Variants in ST6GALNAC3 observed in about 807,000 individuals in gnomAD.
The protein encoded by ST6GALNAC3 is ST6 N-acetylgalactosaminide alpha-2,6-sialyltransferase 3.
Under a neutral mutation model 32.7 loss-of-function variants are expected in ST6GALNAC3, and 25 were observed. The observed-to-expected ratio is 0.76, with a 90% CI of 0.56 to 1.07. The LOEUF is 1.07. Among genes scored for constraint, ST6GALNAC3 ranks in the 50% least tolerant of loss-of-function variants. The probability of loss-of-function intolerance (pLI) is 0.00; values close to 1 mark genes in which losing one functional copy is unlikely to be tolerated. For missense variants in ST6GALNAC3, 355 were observed against 382.4 expected (o/e 0.93, Z 0.60); for synonymous variants, 129 against 133.1 (o/e 0.97, Z 0.21).
intron 1 of ST6GALNAC3, among the ~76,000 whole-genome samples, chr1:76,172,505 A>G (rs972075373): frequency 2.0e-5 from 3 of 152,202 alleles, no homozygotes; most frequent in African/African-American, 7.2e-5. Context: ...AGGCAAGAGA[A>G]AGAAATAAAG....
At chr1:76,387,755 A>T (rs1270050519) in intron 2 of ST6GALNAC3, among the ~76,000 whole-genome samples, 1 of 152,184 alleles carries the variant, frequency 6.6e-6, no homozygotes, top group Non-Finnish European at 1.5e-5. Context: ...GTCATAGGAT[A>T]TTCTTAAAAT....
At chr1:76,339,969 T>C (rs1647822887) in intron 2 of ST6GALNAC3, among the ~76,000 whole-genome samples, 1 of 152,176 alleles carries the variant, frequency 6.6e-6, no homozygotes, top group Non-Finnish European at 1.5e-5. Context: ...AGGAAGAATA[T>C]TTTTAATAGA....
intron 3 of ST6GALNAC3, among the ~76,000 whole-genome samples, chr1:76,544,376 G>T (rs1023048706): frequency 1.9e-4 from 29 of 152,182 alleles, no homozygotes; most frequent in African/African-American, 6.8e-4. Context: ...TGGAAGAAAA[G>T]CAAGAGTGGA....
chr1:76,497,733 T>A (rs1285709257), intron 3 of ST6GALNAC3, among the ~76,000 whole-genome samples: 1 of 152,136 alleles, frequency 6.6e-6, no homozygotes, highest in Non-Finnish European at 1.5e-5. Context: ...ATGTGTCCAG[T>A]TAATGTTTGT....
chr1:76,199,488 G>A (rs1170568663), intron 1 of ST6GALNAC3, among the ~76,000 whole-genome samples: 1 of 152,134 alleles, frequency 6.6e-6, no homozygotes, highest in Non-Finnish European at 1.5e-5. Context: ...ATCACCAAAG[G>A]GTTATGATGT....
rs1247560241 is a variant in ST6GALNAC3 at position 76,633,398 on chromosome 1, C to T, written c.*4592C>T. ...AGGAACATATCCCATTGATTGTCTA[C>T]ACTTTCTTCTCTCTGTTTGTTGCTA... On this transcript the variant is annotated 3_prime_UTR_variant, in exon 5 of 5. Transcript: ENST00000328299. The T allele has an allele frequency of 6.6e-6, 1 of 152,180 alleles. No individual in the cohort carries two copies. The highest frequency in any genetic ancestry group is 1.5e-5 in the Non-Finnish European group (1 of 68,034). 9.4% of individuals were successfully genotyped at this position (152,180 alleles called of 1,614,324 possible).
At chr1:76,377,841 A>G (rs971957362) in intron 2 of ST6GALNAC3, among the ~76,000 whole-genome samples, 1 of 152,238 alleles carries the variant, frequency 6.6e-6, no homozygotes, top group Non-Finnish European at 1.5e-5. Context: ...ACACATAGAC[A>G]AACTCAAGTA....
intron 3 of ST6GALNAC3, among the ~76,000 whole-genome samples, chr1:76,477,128 A>G (rs1199953259): frequency 1.3e-5 from 2 of 152,322 alleles, no homozygotes; most frequent in East Asian, 3.9e-4. Context: ...CTACAAAGAT[A>G]AAGAAAAAGA....
intron 3 of ST6GALNAC3, among the ~76,000 whole-genome samples, chr1:76,619,533 G>A (rs1405721233): frequency 6.6e-6 from 1 of 151,974 alleles, no homozygotes; most frequent in African/African-American, 2.4e-5. Flanking sequence ...GAATTAATGA[G>A]GAATTTAATG....
intron 3 of ST6GALNAC3, among the ~76,000 whole-genome samples, chr1:76,544,776 C>T (rs553474537): frequency 1.3e-5 from 2 of 152,154 alleles, no homozygotes; most frequent in South Asian, 4.2e-4. Flanking sequence ...ATCAGCGTAT[C>T]GATGGTATTT....
intron 1 of ST6GALNAC3, among the ~76,000 whole-genome samples, chr1:76,228,509 A>G (rs1347166456): frequency 6.6e-6 from 1 of 152,124 alleles, no homozygotes; most frequent in African/African-American, 2.4e-5. Context: ...TTTCTGCCCT[A>G]CTTTCTGTCT....
At chr1:76,277,319 G>A (rs1659186601) in intron 1 of ST6GALNAC3, among the ~76,000 whole-genome samples, 1 of 151,716 alleles carries the variant, frequency 6.6e-6, no homozygotes, top group Non-Finnish European at 1.5e-5. Flanking sequence ...TATTTGGGCA[G>A]TGTGGTACTG....
At chr1:76,185,400 A>G (rs1653487868) in intron 1 of ST6GALNAC3, among the ~76,000 whole-genome samples, 1 of 152,156 alleles carries the variant, frequency 6.6e-6, no homozygotes, top group African/African-American at 2.4e-5. Context: ...CGAGCTCCAG[A>G]TGAGGAGACC....
intron 1 of ST6GALNAC3, among the ~76,000 whole-genome samples, chr1:76,141,499 G>A (rs1201658567): frequency 6.6e-6 from 1 of 152,114 alleles, no homozygotes; most frequent in Non-Finnish European, 1.5e-5. Context: ...CATGTCAGAG[G>A]AGGAGAATCA....
rs11162151 is a variant in ST6GALNAC3, at chr1:76,446,916, A to G, written c.623+34499A>G. 1.6e-3 allele frequency among the ~76,000 whole-genome samples: 243 copies of G among 152,230 alleles called. 2 individuals carry two copies. Among genetic ancestry groups the G allele is most frequent in the African/African-American group, 5.4e-3 (226 of 41,528 alleles). ...AGTCTTGGGTATGTCTTTATCAGCA[A>G]TGTGAAAATGAACTAATACAGTAAA... On this transcript the variant is annotated intron_variant, in intron 3 of 4. Transcript: ENST00000328299.
chr1:76,223,725 TTC>T (rs1429819976), intron 1 of ST6GALNAC3, among the ~76,000 whole-genome samples: 1 of 152,178 alleles, frequency 6.6e-6, no homozygotes, highest in Non-Finnish European at 1.5e-5. Context: ...TGCAAGGGCT[TTC>T]TGTCTTCCTA....
At chr1:76,457,522 G>A (rs1420620418) in intron 3 of ST6GALNAC3, among the ~76,000 whole-genome samples, 2 of 150,784 alleles carry the variant, frequency 1.3e-5, no homozygotes, top group African/African-American at 2.4e-5. Flanking sequence ...CATGGTACTG[G>A]TACCAAAACA....
In ST6GALNAC3 at chr1:76,630,988, A is replaced by G; in HGVS notation, c.*2182A>G. ...ATGAACTTAATTTATTTAGTTTTCT[A>G]ATAAATGAAGGGCCAACTCTTATTT... On this transcript the variant is annotated 3_prime_UTR_variant, in exon 5 of 5. Coordinates refer to ENST00000328299, the MANE Select transcript of ST6GALNAC3 (RefSeq NM_152996.4). 2.0e-6 allele frequency: 2 copies of G among 985,684 alleles called. No individual in the cohort carries two copies. Among genetic ancestry groups the G allele is most frequent in the Non-Finnish European group, 2.4e-6 (2 of 829,850 alleles). The allele number at this position is 985,684 out of a possible 1,614,324, so 61.1% of individuals were successfully genotyped here.
chr1:76,396,257 G>C (rs1181696679), intron 2 of ST6GALNAC3, among the ~76,000 whole-genome samples: 1 of 152,148 alleles, frequency 6.6e-6, no homozygotes, highest in Admixed American at 6.5e-5. Context: ...ATGAGTCCAG[G>C]AGTTCGAGAC....
Sources: gnomAD v4.1 joint callset for allele counts (sites outside exome capture counted in the v4.1 genomes callset) on GRCh38, gnomAD v4.1.1 for gene constraint, MANE v1.5 for transcripts, NCBI Gene and HGNC (gene_info 2026-07-23, HGNC 2026-07-21) for gene names.